The following FAM184A variants were observed in gnomAD, a reference collection of about 807,000 sequenced individuals.
FAM184A encodes family with sequence similarity 184 member A.
FAM184A carries 99 observed loss-of-function variants against 143.8 expected under a neutral mutation model. The observed-to-expected ratio is 0.69, with a 90% CI of 0.58 to 0.81. The LOEUF is 0.81. Ranked by LOEUF, FAM184A falls within the 40% of genes least tolerant of loss-of-function variation. The pLI is 0.00. For missense variants in FAM184A, 1,217 were observed against 1,310.5 expected (o/e 0.93, Z 1.10); for synonymous variants, 427 against 446.4 (o/e 0.96, Z 0.55).
At chr6:118,992,388 C>G (rs1273227611) in intron 9 of FAM184A, among the ~76,000 whole-genome samples, 6 of 152,160 alleles carry the variant, frequency 3.9e-5, no homozygotes, top group Non-Finnish European at 7.3e-5. Context: ...TGTTGAAAGC[C>G]TAACCTCCAG....
At chr6:119,135,783 A>C (rs1408365329) in intron 1 of FAM184A, among the ~76,000 whole-genome samples, 5 of 152,224 alleles carry the variant, frequency 3.3e-5, no homozygotes, top group African/African-American at 1.2e-4. Flanking sequence ...AAAGAAGATT[A>C]GAATTTGGTT....
At chr6:118,968,607 AACC>A (rs1321798209) in intron 14 of FAM184A, among the ~76,000 whole-genome samples, 1 of 152,242 alleles carries the variant, frequency 6.6e-6, no homozygotes, top group African/African-American at 2.4e-5. Context: ...ATGTTGGAGA[AACC>A]ACAAGAGGTC....
chr6:119,043,124 A>G (rs538248594), intron 1 of FAM184A, among the ~76,000 whole-genome samples: 2 of 152,330 alleles, frequency 1.3e-5, no homozygotes, highest in South Asian at 2.1e-4. Flanking sequence ...ATGTAGAAAT[A>G]TAAATGGAGC....
intron 1 of FAM184A, among the ~76,000 whole-genome samples, chr6:119,136,962 G>T (rs1463920613): frequency 6.6e-6 from 1 of 152,230 alleles, no homozygotes. Flanking sequence ...CAAAATTGCA[G>T]ATAGCTACTA....
At chr6:119,083,267 G>C (rs993136694), upstream of FAM184A, among the ~76,000 whole-genome samples, 3 of 152,252 alleles carry the variant, frequency 2.0e-5, no homozygotes, top group Admixed American at 6.5e-5. Context: ...CCACCAGGAA[G>C]ATCTCTGAAA....
intron 1 of FAM184A, among the ~76,000 whole-genome samples, chr6:119,143,375 T>A (rs1425494912): frequency 6.6e-6 from 1 of 152,210 alleles, no homozygotes; most frequent in African/African-American, 2.4e-5. Flanking sequence ...ATTGTCCTGT[T>A]CAGAAAATCC....
chr6:119,042,187 A>C (rs187010605), intron 1 of FAM184A, among the ~76,000 whole-genome samples: 2 of 152,178 alleles, frequency 1.3e-5, no homozygotes, highest in African/African-American at 4.8e-5. Context: ...GGTACATGGT[A>C]AGATCGGTAA....
chr6:119,096,527 T>A lies in FAM184A; in HGVS notation c.-202+52551A>T, dbSNP rs1193447451. ...GGCGGGCGCCTGTAGTCCCAGCTAC[T>A]CGGGAGGCTGAGGCAGGAGAATGGC... On this transcript the variant is annotated intron_variant, in intron 1 of 16. Coordinates refer to the FAM184A transcript ENST00000352896. 2.4e-5 allele frequency among the ~76,000 whole-genome samples: 2 copies of A among 82,832 alleles called. 1 individual carries two copies. The highest frequency in any genetic ancestry group is 4.8e-5 in the Non-Finnish European group (2 of 42,004). The allele number at this position is 82,832 out of a possible 152,430, so 54.3% of individuals were successfully genotyped here. A position where few individuals can be genotyped will look rare whatever the true frequency, so the allele number is the denominator to read the frequency against.
intron 1 of FAM184A, among the ~76,000 whole-genome samples, chr6:119,106,268 T>G (rs1361268316): frequency 6.6e-6 from 1 of 151,156 alleles, no homozygotes; most frequent in Admixed American, 6.6e-5. Flanking sequence ...GGTGCGCGCC[T>G]GTAGCCCCAG....
At chr6:119,001,111 T>C (rs1357703811) in intron 9 of FAM184A, among the ~76,000 whole-genome samples, 1 of 148,266 alleles carries the variant, frequency 6.7e-6, no homozygotes, top group Non-Finnish European at 1.5e-5. Flanking sequence ...CTGGTCCTAC[T>C]ATAATTTTTT....
At chr6:119,143,666 A>G (rs1403031723) in intron 1 of FAM184A, among the ~76,000 whole-genome samples, 1 of 152,238 alleles carries the variant, frequency 6.6e-6, no homozygotes, top group Non-Finnish European at 1.5e-5. Flanking sequence ...TACAGCTTAA[A>G]TGAACCTTTA....
intron 1 of FAM184A, among the ~76,000 whole-genome samples, chr6:119,100,831 C>A (rs967049733): frequency 6.6e-6 from 1 of 151,606 alleles, no homozygotes; most frequent in Non-Finnish European, 1.5e-5. Flanking sequence ...TGGCAGCGGG[C>A]GCCTATAGTC....
chr6:119,011,234 C>A, intron 6 of FAM184A, 75 bp downstream of exon 6: 1 of 1,274,386 alleles, frequency 7.8e-7, no homozygotes, highest in Non-Finnish European at 1.1e-6. Context: ...GACTTACCTA[C>A]CTATACAATG....
intron 1 of FAM184A, chr6:119,025,476 A>C (rs1785598108): frequency 1.9e-6 from 1 of 518,820 alleles, no homozygotes; most frequent in Admixed American, 1.9e-5. Flanking sequence ...CTCTTTGGCT[A>C]ATTTTCTCTC....
At position 119,058,149 on chromosome 6, in the gene FAM184A, GAAGTA is replaced by G. The variant is rs1226921027; in HGVS notation, c.159+19987_159+19991del. Among the ~76,000 whole-genome samples, 8 of 141,430 alleles carry G rather than the reference GAAGTA, an allele frequency of 5.7e-5. No homozygotes were observed. In the East Asian group the frequency reaches 1.8e-3, roughly 32 times the overall value. The allele number at this position is 141,430 out of a possible 152,430, so 92.8% of individuals were successfully genotyped here. A position where few individuals can be genotyped will look rare whatever the true frequency, so the allele number is the denominator to read the frequency against. ...ATGTGACCTGCCACTCTCTCATCAA[GAAGTA>G]GAGTCCAATTCTCCTTCTCTCTTTT... On this transcript the variant is annotated intron_variant, in intron 1 of 17. Coordinates refer to ENST00000338891, the MANE Select transcript of FAM184A (RefSeq NM_024581.6).
intron 1 of FAM184A, among the ~76,000 whole-genome samples, chr6:119,113,558 T>C (rs1788986141): frequency 6.6e-6 from 1 of 152,168 alleles, no homozygotes; most frequent in African/African-American, 2.4e-5. Context: ...CTTTCCAAGG[T>C]TTCAGTTACC....
intron 1 of FAM184A, among the ~76,000 whole-genome samples, chr6:119,105,510 G>C (rs879418177): frequency 2.0e-5 from 3 of 152,094 alleles, no homozygotes; most frequent in Non-Finnish European, 4.4e-5. Context: ...GTTTCCTGAG[G>C]CTTCCCAGTC....
intron 9 of FAM184A, among the ~76,000 whole-genome samples, chr6:118,998,902 A>G (rs528082697): frequency 6.6e-6 from 1 of 152,376 alleles, no homozygotes; most frequent in East Asian, 1.9e-4. Context: ...GAAACAGGAT[A>G]GTAATATAAT....
upstream of FAM184A, among the ~76,000 whole-genome samples, chr6:119,081,223 A>G (rs891981145): frequency 2.6e-5 from 4 of 152,176 alleles, no homozygotes; most frequent in Admixed American, 6.5e-5. Flanking sequence ...ACTACCAAAC[A>G]CTTATAAAAC....
Sources: gnomAD v4.1 joint callset for allele counts (sites outside exome capture counted in the v4.1 genomes callset) on GRCh38, gnomAD v4.1.1 for gene constraint, MANE v1.5 for transcripts, NCBI Gene and HGNC (gene_info 2026-07-23, HGNC 2026-07-21) for gene names.